Variants in HOMER2 observed in about 807,000 individuals in gnomAD.
HOMER2 encodes the protein homer scaffold protein 2, also known as homer protein homolog 2.
Under a neutral mutation model 47.0 loss-of-function variants are expected in HOMER2, and 27 were observed. That is an observed-to-expected ratio of 0.57 (90% confidence interval 0.42 to 0.79). HOMER2 has a LOEUF of 0.79. Among genes scored for constraint, HOMER2 ranks in the 30% least tolerant of loss-of-function variants. The probability of loss-of-function intolerance (pLI) is 0.00; values close to 1 mark genes in which losing one functional copy is unlikely to be tolerated. For missense variants in HOMER2, 443 were observed against 435.0 expected, an observed-to-expected ratio of 1.02 and a Z score of -0.16; for synonymous variants, 161 against 163.8, an observed-to-expected ratio of 0.98 and a Z score of 0.13.
At chr15:82,909,827 TATC>T (rs1225209878) in intron 1 of HOMER2, among the ~76,000 whole-genome samples, 1 of 152,134 alleles carries the variant, frequency 6.6e-6, no homozygotes, top group Middle Eastern at 3.2e-3. Flanking sequence ...TACAGTTACA[TATC>T]ATATTAAAAG....
At chr15:82,865,694 T>C (rs1213142197) in intron 3 of HOMER2, among the ~76,000 whole-genome samples, 1 of 152,222 alleles carries the variant, frequency 6.6e-6, no homozygotes, top group Non-Finnish European at 1.5e-5. Context: ...TCTACAGACT[T>C]GGTGACCTGC....
rs1274511809 is a variant in HOMER2 at position 82,952,631 on chromosome 15, C to A, written c.-96G>T. The A allele has an allele frequency of 1.9e-6, 2 of 1,032,986 alleles. No homozygotes were observed. Among genetic ancestry groups the A allele is most frequent in the African/African-American group, 1.7e-5 (1 of 58,170 alleles). 64.0% of individuals were successfully genotyped at this position (1,032,986 alleles called of 1,614,324 possible). A position where few individuals can be genotyped will look rare whatever the true frequency, so the allele number is the denominator to read the frequency against. On this transcript the variant is annotated 5_prime_UTR_variant, in exon 1 of 9. Coordinates refer to ENST00000450735, the MANE Select transcript of HOMER2 (RefSeq NM_004839.4). ...TCCCCGCGCGGCACATGCGGCGGCCCGTGCGCGCCCGGCTCAGCCCCGGCG... is the reference window on the plus strand; with the variant it reads ...TCCCCGCGCGGCACATGCGGCGGCCAGTGCGCGCCCGGCTCAGCCCCGGCG...
intron 1 of HOMER2, among the ~76,000 whole-genome samples, chr15:82,902,244 C>G (rs1383007021): frequency 6.8e-6 from 1 of 147,830 alleles, no homozygotes; most frequent in African/African-American, 2.5e-5. Context: ...GTCACCCAGG[C>G]TGTAATGCAG....
chr15:82,864,285 G>C, intron 3 of HOMER2, 26 bp from the exon 4 acceptor site: 1 of 1,527,554 alleles, frequency 6.5e-7, no homozygotes, highest in Non-Finnish European at 9.0e-7. Context: ...AGTTATTAAG[G>C]CTTTTATTAA....
Position 82,854,841 on chromosome 15 carries a change from G to C in HOMER2, c.495-41C>G, listed in dbSNP as rs1301397679. ...GGGCGGTGACGACGGGGTGGGTGCT[G>C]TCCCGTCTGGCTCCGCCCGCGTGGG... is the stretch of plus-strand genomic sequence containing the variant. On this transcript the variant is annotated intron_variant, in intron 5 of 8. Transcript: ENST00000450735. The C allele has an allele frequency of 1.9e-6, 3 of 1,584,068 alleles. No individual in the cohort carries two copies. In the African/African-American group the frequency reaches 4.0e-5, roughly 21 times the overall value.
intron 4 of HOMER2, among the ~76,000 whole-genome samples, chr15:82,860,891 C>CACG (rs1297207691): frequency 6.7e-6 from 1 of 148,404 alleles, no homozygotes; most frequent in East Asian, 2.0e-4. Context: ...GAGCCGAGAT[C>CACG]ACGCCACTGC....
intron 5 of HOMER2, 84 bp from the exon 6 acceptor site, chr15:82,854,884 C>T: frequency 6.7e-7 from 1 of 1,502,288 alleles, no homozygotes; most frequent in South Asian, 1.2e-5. Flanking sequence ...ACTCCGCCAT[C>T]CCTCAGCACA....
intron 1 of HOMER2, chr15:82,898,511 C>T (rs1389153571): frequency 6.6e-6 from 1 of 152,204 alleles, no homozygotes; most frequent in East Asian, 1.9e-4. Flanking sequence ...GATGGCAGAA[C>T]GCTTCTTTAG....
chr15:82,839,342 G>GCA (rs776062039), exon 2 of HOMER2: 5 of 152,272 alleles, frequency 3.3e-5, no homozygotes, highest in East Asian at 3.9e-4. Flanking sequence ...AGAAACATTG[G>GCA]CACACTCAAA....
Position 82,851,220 on chromosome 15 carries a change from A to G in HOMER2, c.774T>C (p.Asp258=), listed in dbSNP as rs368795473. The G allele has an allele frequency of 2.6e-6, 4 of 1,560,784 alleles. No homozygotes were observed. The highest frequency in any genetic ancestry group is 1.4e-5 in the African/African-American group (1 of 73,860). Residue 258 remains aspartate, a synonymous_variant, in exon 8 of 9, where the codon GAT becomes GAC. Transcript: ENST00000450735. The part of the protein sequence containing the change: ...ELREKETELK[D]LRKQSEIIPQ... ...GTATGATTTCACTTTGTTTTCGGAGATCTTTCAGCTCCTACATGAAAAAAA... is the reference window on the plus strand; with the variant it reads ...GTATGATTTCACTTTGTTTTCGGAGGTCTTTCAGCTCCTACATGAAAAAAA...
intron 1 of HOMER2, among the ~76,000 whole-genome samples, chr15:82,924,360 CTTT>C (rs11318640): frequency 7.8e-5 from 10 of 127,588 alleles, no homozygotes; most frequent in Admixed American, 1.6e-4. Context: ...TGTGCTGGCC[CTTT>C]TTTTTTTTTT....
intron 3 of HOMER2, among the ~76,000 whole-genome samples, chr15:82,866,067 G>A (rs1325908942): frequency 6.6e-6 from 1 of 152,140 alleles, no homozygotes; most frequent in East Asian, 1.9e-4. Context: ...TCAACTGACA[G>A]TTTGCACCGT....
At chr15:82,910,741 A>G (rs1405399199) in intron 1 of HOMER2, among the ~76,000 whole-genome samples, 1 of 152,162 alleles carries the variant, frequency 6.6e-6, no homozygotes, top group African/African-American at 2.4e-5. Context: ...TAAATTCCTC[A>G]GATGGGAGTT....
chr15:82,867,207 T>C (rs900875723), intron 3 of HOMER2, among the ~76,000 whole-genome samples: 1 of 151,956 alleles, frequency 6.6e-6, no homozygotes, highest in Non-Finnish European at 1.5e-5. Context: ...AGGATGCTTC[T>C]GAAGAAAAAA....
Position 82,849,865 on chromosome 15 carries a change from C to A in HOMER2, c.882G>T (p.Val294=). Residue 294 remains valine (V), a synonymous_variant, in exon 9 of 9, where the codon GTG becomes GTT. Transcript: ENST00000450735. ...CCTCAATGTCTGTCTTTAAGGAACG[C>A]ACTTTGTCTTCCAGGTTTTGATTGT... is the stretch of plus-strand genomic sequence containing the variant. ...ERDNQNLEDK[V]RSLKTDIEES... is the part of the protein sequence containing the mutation. The A allele has an allele frequency of 6.2e-7, 1 of 1,613,944 alleles. No homozygotes were observed. The highest frequency in any genetic ancestry group is 8.5e-7 in the Non-Finnish European group (1 of 1,179,852).
rs2051175250 is a variant in HOMER2, at chr15:82,841,522, G to C, written c.*5752C>G. 5 of 47,122 alleles carry C rather than the reference G, an allele frequency of 1.1e-4. No homozygotes were observed. In the South Asian group the frequency reaches 1.9e-3, roughly 18 times the overall value. 2.9% of individuals were successfully genotyped at this position (47,122 alleles called of 1,614,324 possible). ...TAGTTTTGGAGAAACACTCTTCTAA[G>C]TAAAAAAAATTTGATATATATATAT... On this transcript the variant is annotated 3_prime_UTR_variant, in exon 2 of 2. Transcript: ENST00000558090.
chr15:82,933,110 C>A (rs1256040504), intron 1 of HOMER2, among the ~76,000 whole-genome samples: 3 of 151,734 alleles, frequency 2.0e-5, no homozygotes, highest in Non-Finnish European at 4.4e-5. Flanking sequence ...GGATCAAGGA[C>A]CCCTTTGAAA....
chr15:82,873,729 C>G (rs2052251062), intron 3 of HOMER2, among the ~76,000 whole-genome samples: 2 of 152,240 alleles, frequency 1.3e-5, no homozygotes, highest in African/African-American at 4.8e-5. Flanking sequence ...AGAGTGCCAT[C>G]AGGCCATTTT....
rs2051886723 is a variant in HOMER2 at position 82,864,169 on chromosome 15, G to A, written c.385C>T (p.Gln129Ter). ...TACTTCATAGACTAATGTCTTACTT[G>A]GGAATGATTACTTGAGGTCTCGATT... ...EKIETSSNHS[Q>*]ASSVNGTDDE... The change falls in exon 4 of 9, where the codon CAA becomes TAA. Residue 129 changes from glutamine (Q) to a stop codon, truncating the protein, a stop_gained and splice_region_variant. Coordinates refer to ENST00000450735, the MANE Select transcript of HOMER2 (RefSeq NM_004839.4). LOFTEE classifies it high-confidence loss of function. The A allele has an allele frequency of 1.2e-6, 2 of 1,601,856 alleles. No individual in the cohort carries two copies. Among genetic ancestry groups the A allele is most frequent in the Non-Finnish European group, 1.7e-6 (2 of 1,170,934 alleles).
Sources: gnomAD v4.1 joint callset for allele counts (sites outside exome capture counted in the v4.1 genomes callset) on GRCh38, gnomAD v4.1.1 for gene constraint, MANE v1.5 for transcripts, NCBI Gene and HGNC (gene_info 2026-07-23, HGNC 2026-07-21) for gene names.